Variants in AGMO observed in about 807,000 individuals in gnomAD.
AGMO encodes alkylglycerol monooxygenase.
A neutral mutation model predicts 60.2 loss-of-function variants in AGMO; 75 were observed. That is an observed-to-expected ratio of 1.25 (90% CI 1.03 to 1.51). The LOEUF (loss-of-function observed/expected upper bound fraction) is 1.51, where lower values mean the gene tolerates loss of function less well. Among genes scored for constraint, AGMO ranks in the 40% most tolerant of loss-of-function variants. The probability of loss-of-function intolerance (pLI) is 0.00; values close to 1 mark genes in which losing one functional copy is unlikely to be tolerated. For missense variants in AGMO, 763 were observed against 525.5 expected (o/e 1.45, Z -4.42); for synonymous variants, 261 against 177.1 (o/e 1.47, Z -3.76).
intron 11 of AGMO, 97 bp from the exon 12 acceptor site, chr7:15,365,716 C>T (rs538970707): frequency 5.0e-6 from 4 of 802,848 alleles, no homozygotes; most frequent in African/African-American, 3.6e-5. Context: ...TCAAGAAATA[C>T]CTAGTATTTT....
intron 12 of AGMO, among the ~76,000 whole-genome samples, chr7:15,202,333 G>A (rs551753828): frequency 2.3e-4 from 35 of 151,716 alleles, no homozygotes; most frequent in African/African-American, 6.5e-4. Flanking sequence ...GGGGAACTCC[G>A]GTGAAGTCAA....
the AGMO span, among the ~76,000 whole-genome samples, chr7:15,153,052 T>C: frequency 2.0e-5 from 3 of 152,204 alleles, no homozygotes; most frequent in Non-Finnish European, 4.4e-5. Flanking sequence ...GGTAGTATCA[T>C]GTTGTGGTTT....
chr7:15,425,177 C>T (rs1396316291), intron 4 of AGMO, among the ~76,000 whole-genome samples: 1 of 152,120 alleles, frequency 6.6e-6, no homozygotes, highest in Non-Finnish European at 1.5e-5. Flanking sequence ...ATCACTGAGA[C>T]TCAAACATTA....
chr7:15,444,104 G>A (rs919380187), intron 3 of AGMO, among the ~76,000 whole-genome samples: 1 of 152,002 alleles, frequency 6.6e-6, no homozygotes, highest in Non-Finnish European at 1.5e-5. Flanking sequence ...ATTCATCTTC[G>A]TATTTTCCAC....
chr7:15,559,854 G>A (rs1785253170), intron 2 of AGMO, among the ~76,000 whole-genome samples: 1 of 151,946 alleles, frequency 6.6e-6, no homozygotes, highest in Admixed American at 6.6e-5. Context: ...AATTTTAATA[G>A]AGAACCAGAC....
At position 15,547,922 on chromosome 7, in the gene AGMO, T is replaced by C. The variant is rs368757365; in HGVS notation, c.258-2999A>G. ...TGCAGACTTAAATGTCCCTGTCTGA[T>C]AGCTTTGAAGAGAGCAGTGGTTCTC... On this transcript the variant is annotated intron_variant, in intron 2 of 12. Coordinates refer to ENST00000342526, the MANE Select transcript of AGMO (RefSeq NM_001004320.2). Among the ~76,000 whole-genome samples the C allele has an allele frequency of 1.6e-3, 240 of 152,164 alleles. 1 individual carries two copies. The highest frequency in any genetic ancestry group is 2.3e-3 in the Non-Finnish European group (157 of 67,956).
intron 3 of AGMO, among the ~76,000 whole-genome samples, chr7:15,476,911 T>A (rs1358610222): frequency 1.3e-5 from 2 of 152,086 alleles, no homozygotes; most frequent in Non-Finnish European, 2.9e-5. Context: ...ATGAAATACC[T>A]TGCTTGCTAG....
intron 12 of AGMO, among the ~76,000 whole-genome samples, chr7:15,263,683 C>G (rs1177080829): frequency 6.6e-6 from 1 of 151,920 alleles, no homozygotes; most frequent in Non-Finnish European, 1.5e-5. Flanking sequence ...TGCTCATCAA[C>G]CAATGAAGGG....
At chr7:15,261,917 T>C (rs1343610568) in intron 12 of AGMO, among the ~76,000 whole-genome samples, 2 of 151,856 alleles carry the variant, frequency 1.3e-5, no homozygotes, top group South Asian at 2.1e-4. Flanking sequence ...ATAATCTCAA[T>C]AGATAAGCAT....
chr7:15,173,356 GA>G, the AGMO span, among the ~76,000 whole-genome samples: 1 of 152,104 alleles, frequency 6.6e-6, no homozygotes, highest in Non-Finnish European at 1.5e-5. Context: ...GATTTGATAG[GA>G]AGGGATAAAA....
At chr7:15,397,926 A>C (rs1256438898) in intron 5 of AGMO, among the ~76,000 whole-genome samples, 1 of 152,212 alleles carries the variant, frequency 6.6e-6, no homozygotes, top group Non-Finnish European at 1.5e-5. Flanking sequence ...ATTGCTTTCT[A>C]CTTGGTGAAA....
chr7:15,277,578 C>T (rs1783839389), intron 12 of AGMO, among the ~76,000 whole-genome samples: 1 of 151,912 alleles, frequency 6.6e-6, no homozygotes, highest in Admixed American at 6.6e-5. Flanking sequence ...GATGGTGAGA[C>T]AATAAAGCAT....
rs142901716 is a variant in AGMO at position 15,278,522 on chromosome 7, G to A, written c.1264-77163C>T. Among the ~76,000 whole-genome samples, 380 of 152,148 alleles carry A rather than the reference G, an allele frequency of 2.5e-3. 1 individual carries two copies. Among genetic ancestry groups the A allele is most frequent in the African/African-American group, 8.7e-3 (362 of 41,526 alleles). On this transcript the variant is annotated intron_variant, in intron 12 of 12. Coordinates refer to ENST00000342526, the MANE Select transcript of AGMO (RefSeq NM_001004320.2). ...ATAGGGATGGGTGACTGGCCTCTAG[G>A]CCACAAGCAGAACTCTCAGGTGAGG... is the stretch of plus-strand genomic sequence containing the variant.
intron 10 of AGMO, 108 bp downstream of exon 10, chr7:15,385,338 A>G: frequency 1.4e-6 from 1 of 700,974 alleles, no homozygotes; most frequent in South Asian, 1.9e-5. Context: ...AAATTACAGC[A>G]GACCACTACA....
intron 10 of AGMO, among the ~76,000 whole-genome samples, chr7:15,385,061 C>G (rs1172997637): frequency 1.3e-5 from 2 of 152,090 alleles, no homozygotes; most frequent in Non-Finnish European, 2.9e-5. Flanking sequence ...CCTTTAAATT[C>G]TATCAGGGAA....
At chr7:15,487,578 C>T (rs925867209) in intron 3 of AGMO, among the ~76,000 whole-genome samples, 4 of 152,142 alleles carry the variant, frequency 2.6e-5, no homozygotes, top group South Asian at 2.1e-4. Flanking sequence ...TTTTAAAATA[C>T]GTATGTTTAA....
At chr7:15,547,301 T>C (rs983897359) in intron 2 of AGMO, among the ~76,000 whole-genome samples, 1 of 152,018 alleles carries the variant, frequency 6.6e-6, no homozygotes, top group African/African-American at 2.4e-5. Flanking sequence ...GGAAGAAAGA[T>C]TAAAACAGGG....
the AGMO span, among the ~76,000 whole-genome samples, chr7:15,192,058 T>C: frequency 6.6e-6 from 1 of 151,922 alleles, no homozygotes; most frequent in African/African-American, 2.4e-5. Context: ...ATTTATACAA[T>C]AGTATATTCA....
intron 9 of AGMO, 55 bp downstream of exon 9, chr7:15,387,351 G>C (rs1783957313): frequency 1.3e-6 from 2 of 1,585,290 alleles, no homozygotes; most frequent in Non-Finnish European, 1.7e-6. Flanking sequence ...GCTGGCTGTA[G>C]ACCTGACAAT....
Sources: gnomAD v4.1 joint callset for allele counts (sites outside exome capture counted in the v4.1 genomes callset) on GRCh38, gnomAD v4.1.1 for gene constraint, MANE v1.5 for transcripts, NCBI Gene and HGNC (gene_info 2026-07-23, HGNC 2026-07-21) for gene names.